Variants in TACR1 observed in about 807,000 individuals in gnomAD.
TACR1 encodes the protein tachykinin receptor 1.
Under a neutral mutation model 35.8 loss-of-function variants are expected in TACR1, and 25 were observed. The ratio of observed to expected loss-of-function variants is 0.70; its 90% CI spans 0.51 to 0.98. TACR1 has a LOEUF of 0.98. Ranked by LOEUF, TACR1 falls within the 50% of genes least tolerant of loss-of-function variation. The pLI is 0.00. For missense variants in TACR1, 478 were observed against 522.9 expected (o/e 0.91, Z 0.84); for synonymous variants, 195 against 206.7 (o/e 0.94, Z 0.48).
intron 1 of TACR1, among the ~76,000 whole-genome samples, chr2:75,131,735 T>A (rs1674183038): frequency 6.6e-6 from 1 of 152,152 alleles, no homozygotes; most frequent in South Asian, 2.1e-4. Flanking sequence ...TTGGGTGTGT[T>A]TTTGTATGAT....
At chr2:75,170,567 T>C (rs555342347) in intron 1 of TACR1, among the ~76,000 whole-genome samples, 1 of 152,252 alleles carries the variant, frequency 6.6e-6, no homozygotes, top group East Asian at 1.9e-4. Flanking sequence ...TTTGGAGGGC[T>C]CAGAAGACAG....
intron 3 of TACR1, 136 bp downstream of exon 3, chr2:75,053,469 T>C: frequency 8.7e-7 from 1 of 1,154,510 alleles, no homozygotes; most frequent in East Asian, 2.9e-5. Flanking sequence ...GAAAGATTCC[T>C]CTCCTCCTCT....
chr2:75,104,134 A>T (rs1673595282), intron 2 of TACR1, among the ~76,000 whole-genome samples: 2 of 152,064 alleles, frequency 1.3e-5, no homozygotes, highest in Non-Finnish European at 2.9e-5. Context: ...TGGATTGAAA[A>T]ATTAAGACTA....
intron 2 of TACR1, among the ~76,000 whole-genome samples, chr2:75,098,912 C>CTTTTTT (rs201792078): frequency 6.9e-6 from 1 of 144,758 alleles, no homozygotes. Context: ...CAAATTAAGG[C>CTTTTTT]TTTTTTTTTT....
intron 2 of TACR1, among the ~76,000 whole-genome samples, chr2:75,092,385 A>T (rs1041140376): frequency 6.6e-6 from 1 of 152,174 alleles, no homozygotes. Flanking sequence ...CCTGCCAGTT[A>T]ATAGGACTTA....
chr2:75,165,042 G>A (rs895670032), intron 1 of TACR1, among the ~76,000 whole-genome samples: 1 of 152,156 alleles, frequency 6.6e-6, no homozygotes, highest in African/African-American at 2.4e-5. Flanking sequence ...GCATGAGCAG[G>A]AGCATTGGAT....
intron 2 of TACR1, among the ~76,000 whole-genome samples, chr2:75,070,929 A>G (rs566857596): frequency 6.6e-6 from 1 of 152,358 alleles, no homozygotes; most frequent in African/African-American, 2.4e-5. Context: ...ATGGCTTGCA[A>G]ATTAAGAATG....
At chr2:75,073,436 G>A (rs892592865) in intron 2 of TACR1, among the ~76,000 whole-genome samples, 2 of 152,256 alleles carry the variant, frequency 1.3e-5, no homozygotes, top group Non-Finnish European at 2.9e-5. Flanking sequence ...AAGGGAGTAA[G>A]TGTGTGTGGC....
At chr2:75,128,327 G>A (rs550404866) in intron 1 of TACR1, among the ~76,000 whole-genome samples, 10 of 152,306 alleles carry the variant, frequency 6.6e-5, no homozygotes, top group Admixed American at 2.6e-4. Context: ...TTGATAAAGC[G>A]CCCTAGTTGG....
At chr2:75,128,252 C>G (rs1674113135) in intron 1 of TACR1, among the ~76,000 whole-genome samples, 1 of 152,210 alleles carries the variant, frequency 6.6e-6, no homozygotes, top group Admixed American at 6.5e-5. Flanking sequence ...AGATACAATT[C>G]TGGAGTATTC....
At chr2:75,180,577 A>C (rs574442582) in intron 1 of TACR1, among the ~76,000 whole-genome samples, 1 of 152,178 alleles carries the variant, frequency 6.6e-6, no homozygotes, top group Non-Finnish European at 1.5e-5. Context: ...ATCCAAAATT[A>C]TCCTGCTCTG....
intron 2 of TACR1, among the ~76,000 whole-genome samples, chr2:75,099,231 A>G (rs1673484729): frequency 6.6e-6 from 1 of 152,034 alleles, no homozygotes; most frequent in Non-Finnish European, 1.5e-5. Context: ...CTGGCATCTC[A>G]GTGCTGAGAC....
intron 1 of TACR1, among the ~76,000 whole-genome samples, chr2:75,157,559 G>A (rs1415611841): frequency 2.6e-5 from 4 of 152,224 alleles, no homozygotes; most frequent in Admixed American, 1.3e-4. Context: ...AAGTGGCCAG[G>A]CAGCCCTGAA....
intron 2 of TACR1, among the ~76,000 whole-genome samples, chr2:75,105,568 AT>A (rs1340187485): frequency 6.6e-6 from 1 of 152,066 alleles, no homozygotes; most frequent in African/African-American, 2.4e-5. Context: ...AGTGATAAAT[AT>A]TTTAATCAGC....
At chr2:75,100,068 C>T (rs1673505766) in intron 2 of TACR1, among the ~76,000 whole-genome samples, 1 of 152,128 alleles carries the variant, frequency 6.6e-6, no homozygotes, top group Non-Finnish European at 1.5e-5. Flanking sequence ...TTCTTCCTCA[C>T]CTACCATGCC....
At chr2:75,102,480 T>G (rs1673558215) in intron 2 of TACR1, among the ~76,000 whole-genome samples, 2 of 152,084 alleles carry the variant, frequency 1.3e-5, no homozygotes, top group Admixed American at 1.3e-4. Context: ...CTAAAATATA[T>G]CTTGGTCTGA....
intron 1 of TACR1, among the ~76,000 whole-genome samples, chr2:75,153,659 G>A (rs1174694402): frequency 6.6e-6 from 1 of 152,156 alleles, no homozygotes; most frequent in African/African-American, 2.4e-5. Context: ...TTGGAGAGAA[G>A]CAATGGCAAA....
At chr2:75,159,076 T>C (rs556723888) in intron 1 of TACR1, among the ~76,000 whole-genome samples, 2 of 152,140 alleles carry the variant, frequency 1.3e-5, no homozygotes, top group South Asian at 2.1e-4. Flanking sequence ...TTTAGAGAGA[T>C]AAACAATGTA....
chr2:75,155,709 CAAG>C (rs1183626260), intron 1 of TACR1, among the ~76,000 whole-genome samples: 1 of 152,148 alleles, frequency 6.6e-6, no homozygotes, highest in African/African-American at 2.4e-5. Flanking sequence ...ATCCACATAA[CAAG>C]AGAGAGAGTT....
Sources: allele counts gnomAD v4.1 joint callset (sites outside exome capture counted in the v4.1 genomes callset), GRCh38; gene constraint gnomAD v4.1.1; transcripts MANE v1.5; gene names NCBI Gene and HGNC (gene_info 2026-07-23, HGNC 2026-07-21).